Variants in EFNA5 observed in about 807,000 individuals in gnomAD.
EFNA5 encodes the protein ephrin-A5.
In EFNA5, 5 loss-of-function variants were observed where a neutral mutation model predicts 22.9. The observed-to-expected ratio is 0.22, with a 90% CI of 0.11 to 0.46. The LOEUF (loss-of-function observed/expected upper bound fraction) is 0.46. Ranked by LOEUF, EFNA5 falls within the 20% of genes least tolerant of loss-of-function variation. EFNA5 has a pLI of 0.99. For synonymous variants in EFNA5, 113 were observed against 112.2 expected (o/e 1.01, Z -0.04); for missense variants, 237 against 293.3 (o/e 0.81, Z 1.40).
At chr5:107,591,509 C>T (rs1215066874) in intron 1 of EFNA5, among the ~76,000 whole-genome samples, 2 of 151,910 alleles carry the variant, frequency 1.3e-5, no homozygotes, top group Non-Finnish European at 2.9e-5. Context: ...AGGAATTTAA[C>T]CCATGGTAGA....
At chr5:107,422,978 T>C (rs939726763) in intron 2 of EFNA5, among the ~76,000 whole-genome samples, 5 of 152,232 alleles carry the variant, frequency 3.3e-5, no homozygotes, top group African/African-American at 1.2e-4. Flanking sequence ...CTAGGATTTA[T>C]TGAACATCTA....
At chr5:107,487,672 G>A (rs541512313) in intron 1 of EFNA5, among the ~76,000 whole-genome samples, 1 of 152,298 alleles carries the variant, frequency 6.6e-6, no homozygotes, top group South Asian at 2.1e-4. Context: ...TTCATGAGCA[G>A]CAAAATGATA....
At chr5:107,392,000 C>T (rs371684741) in intron 2 of EFNA5, among the ~76,000 whole-genome samples, 3 of 152,270 alleles carry the variant, frequency 2.0e-5, no homozygotes, top group Middle Eastern at 3.4e-3. Flanking sequence ...ACTTAGCCAA[C>T]TTGGTATAGA....
At chr5:107,403,952 C>A (rs1050239800) in intron 2 of EFNA5, among the ~76,000 whole-genome samples, 1 of 152,140 alleles carries the variant, frequency 6.6e-6, no homozygotes, top group Non-Finnish European at 1.5e-5. Context: ...ACCCTGTAAA[C>A]CCTTTATGTA....
At chr5:107,544,481 T>C (rs1561427873) in intron 1 of EFNA5, among the ~76,000 whole-genome samples, 1 of 152,210 alleles carries the variant, frequency 6.6e-6, no homozygotes, top group African/African-American at 2.4e-5. Context: ...AGCAAGGTTG[T>C]TCTTGAAGAG....
At chr5:107,404,296 T>C (rs1230483747) in intron 2 of EFNA5, among the ~76,000 whole-genome samples, 4 of 152,224 alleles carry the variant, frequency 2.6e-5, no homozygotes, top group Non-Finnish European at 4.4e-5. Context: ...TAACAAGACA[T>C]ATATTTTTGT....
intron 1 of EFNA5, among the ~76,000 whole-genome samples, chr5:107,559,849 G>C (rs1748500032): frequency 6.6e-6 from 1 of 152,116 alleles, no homozygotes; most frequent in African/African-American, 2.4e-5. Context: ...GAGTTTATTT[G>C]CTTTAAAAAA....
At chr5:107,539,108 G>C (rs1747991501) in intron 1 of EFNA5, among the ~76,000 whole-genome samples, 8 of 152,166 alleles carry the variant, frequency 5.3e-5, no homozygotes, top group Admixed American at 5.2e-4. Flanking sequence ...CATGTCCTTG[G>C]GAGCTGCCTG....
intron 1 of EFNA5, among the ~76,000 whole-genome samples, chr5:107,559,060 G>A (rs1019271819): frequency 1.3e-5 from 2 of 152,214 alleles, no homozygotes; most frequent in Non-Finnish European, 2.9e-5. Context: ...GGATGTTTGA[G>A]ATAATCTTAT....
At chr5:107,469,305 A>G (rs961407624) in intron 1 of EFNA5, among the ~76,000 whole-genome samples, 3 of 152,294 alleles carry the variant, frequency 2.0e-5, no homozygotes, top group East Asian at 1.9e-4. Flanking sequence ...TCCTACATTC[A>G]TAAGAAAATA....
At chr5:107,655,358 C>G (rs754141873) in intron 1 of EFNA5, among the ~76,000 whole-genome samples, 11 of 152,038 alleles carry the variant, frequency 7.2e-5, no homozygotes, top group African/African-American at 9.7e-5. Flanking sequence ...GATATAAGAG[C>G]AACAAAGGTA....
At chr5:107,506,145 G>A (rs997516604) in intron 1 of EFNA5, 3 of 152,260 alleles carry the variant, frequency 2.0e-5, no homozygotes, top group Non-Finnish European at 4.4e-5. Flanking sequence ...CCAGCTCCAT[G>A]AACCCTTCCC....
intron 2 of EFNA5, among the ~76,000 whole-genome samples, chr5:107,417,710 A>G (rs1001160062): frequency 2.6e-5 from 4 of 152,198 alleles, no homozygotes; most frequent in African/African-American, 9.6e-5. Context: ...TTCGGAGCCT[A>G]GAGATATTTT....
chr5:107,587,990 T>C (rs1031138071), intron 1 of EFNA5, among the ~76,000 whole-genome samples: 4 of 152,122 alleles, frequency 2.6e-5, no homozygotes, highest in African/African-American at 7.2e-5. Context: ...CAAACCAACG[T>C]GCACAAAAGA....
chr5:107,647,209 T>C (rs1211632679), intron 1 of EFNA5, among the ~76,000 whole-genome samples: 1 of 152,158 alleles, frequency 6.6e-6, no homozygotes, highest in Admixed American at 6.6e-5. Flanking sequence ...CCTATTTCTA[T>C]CATATTCAAT....
chr5:107,607,769 A>C (rs898487501), intron 1 of EFNA5, among the ~76,000 whole-genome samples: 3 of 152,134 alleles, frequency 2.0e-5, no homozygotes, highest in Admixed American at 2.0e-4. Context: ...GGAAAGCAAA[A>C]AACAAATAAA....
intron 1 of EFNA5, among the ~76,000 whole-genome samples, chr5:107,592,432 A>G (rs1749393321): frequency 6.6e-6 from 1 of 152,036 alleles, no homozygotes; most frequent in Admixed American, 6.6e-5. Context: ...GAAATATCAC[A>G]TGATTATTGG....
At chr5:107,399,318 C>CGGAAAGGCAA (rs1748020450) in intron 2 of EFNA5, among the ~76,000 whole-genome samples, 1 of 94,570 alleles carries the variant, frequency 1.1e-5, no homozygotes, top group Admixed American at 1.2e-4. Flanking sequence ...AGGAAGGAAA[C>CGGAAAGGCAA]GGAAAGGAAA....
rs2112480056 is a variant in EFNA5 at position 107,379,712 on chromosome 5, A to G, written c.*1543T>C. 6.6e-6 allele frequency: 1 copy of G among 152,210 alleles called. No homozygotes were observed. Among genetic ancestry groups the G allele is most frequent in the Non-Finnish European group, 1.5e-5 (1 of 68,006 alleles). The allele number at this position is 152,210 out of a possible 1,614,324, so 9.4% of individuals were successfully genotyped here. A position where few individuals can be genotyped will look rare whatever the true frequency, so the allele number is the denominator to read the frequency against. On this transcript the variant is annotated 3_prime_UTR_variant, in exon 5 of 5. Coordinates refer to ENST00000333274, the MANE Select transcript of EFNA5 (RefSeq NM_001962.3). ...GGAAACGTCCCCTGTTGGCCATGCT[A>G]AGATTCCTTCAACAGGGTCATCCTG... is the stretch of plus-strand genomic sequence containing the variant.
Sources: allele counts gnomAD v4.1 joint callset (sites outside exome capture counted in the v4.1 genomes callset), GRCh38; gene constraint gnomAD v4.1.1; transcripts MANE v1.5; gene names NCBI Gene and HGNC (gene_info 2026-07-23, HGNC 2026-07-21).